KSR2: variants seen among roughly 807,000 people sequenced by gnomAD.
KSR2 encodes the protein kinase suppressor of ras 2.
In KSR2, 25 loss-of-function variants were observed where a neutral mutation model predicts 107.8. The ratio of observed to expected loss-of-function variants is 0.23; its 90% confidence interval spans 0.17 to 0.32. The LOEUF (loss-of-function observed/expected upper bound fraction) is 0.32, where lower values mean the gene tolerates loss of function less well. Among genes scored for constraint, KSR2 ranks in the 10% least tolerant of loss-of-function variants. The probability of loss-of-function intolerance (pLI) is 1.00; values close to 1 mark genes in which losing one functional copy is unlikely to be tolerated. For missense variants in KSR2, 887 were observed against 1,268.9 expected (o/e 0.70, Z 4.57); for synonymous variants, 480 against 507.0 (o/e 0.95, Z 0.71).
intron 5 of KSR2, among the ~76,000 whole-genome samples, chr12:117,598,737 T>C (rs1207240647): frequency 6.6e-6 from 1 of 152,184 alleles, no homozygotes; most frequent in African/African-American, 2.4e-5. Flanking sequence ...CATTTTTTCA[T>C]ATGTATATCT....
chr12:117,604,690 T>C (rs186454017), intron 5 of KSR2, among the ~76,000 whole-genome samples: 1 of 152,270 alleles, frequency 6.6e-6, no homozygotes, highest in East Asian at 1.9e-4. Context: ...AATATGTTAA[T>C]TCAACTATAT....
In KSR2 at chr12:117,697,568, C is replaced by T. The variant is rs527772501; in HGVS notation, c.987-29910G>A. On this transcript the variant is annotated intron_variant, in intron 4 of 19. Transcript: ENST00000339824. ...CCAGCCTGACCAACATGGTGAAACCCTATTCTACTGAAAATACAAGAATTA... is the reference window on the plus strand; with the variant it reads ...CCAGCCTGACCAACATGGTGAAACCTTATTCTACTGAAAATACAAGAATTA... 4.6e-5 allele frequency among the ~76,000 whole-genome samples: 7 copies of T among 152,152 alleles called. No individual in the cohort carries two copies. In the East Asian group the frequency reaches 5.8e-4, roughly 13 times the overall value.
chr12:117,606,774 T>G (rs1240690148), intron 5 of KSR2, among the ~76,000 whole-genome samples: 2 of 147,862 alleles, frequency 1.4e-5, no homozygotes, highest in East Asian at 2.2e-4. Context: ...CCTCCTTCCC[T>G]CCCTTCATCC....
At chr12:117,765,164 T>C (rs1196989617) in intron 3 of KSR2, among the ~76,000 whole-genome samples, 2 of 152,232 alleles carry the variant, frequency 1.3e-5, no homozygotes, top group African/African-American at 2.4e-5. Flanking sequence ...CTCCATCGCA[T>C]GGTAAGCTCT....
chr12:117,828,832 G>A (rs1396785287), intron 3 of KSR2, among the ~76,000 whole-genome samples: 1 of 152,190 alleles, frequency 6.6e-6, no homozygotes, highest in Non-Finnish European at 1.5e-5. Context: ...CCTCCCAACT[G>A]CCATCTGTGT....
rs372961258 is a variant in KSR2 at position 117,463,355 on chromosome 12, G to C, written c.*3844C>G. 6.6e-6 allele frequency: 1 copy of C among 152,010 alleles called. No individual in the cohort carries two copies. Among genetic ancestry groups the C allele is most frequent in the Non-Finnish European group, 1.5e-5 (1 of 68,028 alleles). 9.4% of individuals were successfully genotyped at this position (152,010 alleles called of 1,614,324 possible). ...CCATATCCAACCCTCTCTATCAAAG[G>C]CTCCTGTTCCTCCCCTGACAGCCAT... On this transcript the variant is annotated 3_prime_UTR_variant, in exon 20 of 20. Coordinates refer to ENST00000339824, the MANE Select transcript of KSR2 (RefSeq NM_173598.6).
chr12:117,531,108 AC>A, intron 11 of KSR2, 95 bp from the exon 12 acceptor site: 1 of 1,003,192 alleles, frequency 1.0e-6, no homozygotes, highest in Non-Finnish European at 1.6e-6. Context: ...CCAATTTTTC[AC>A]CAGATCTTGG....
In KSR2 at chr12:117,873,188, T is replaced by C. The variant is rs994770948; in HGVS notation, c.181-12757A>G. Among the ~76,000 whole-genome samples the C allele has an allele frequency of 2.0e-5, 3 of 151,874 alleles. No homozygotes were observed. The South Asian group carries it at 6.2e-4, about 32-fold the overall frequency. On this transcript the variant is annotated intron_variant, in intron 1 of 19. Coordinates refer to ENST00000339824, the MANE Select transcript of KSR2 (RefSeq NM_173598.6). Reference sequence around the variant, plus strand: ...GGTGAAACCCCATCTCTACTAAAAATACAAAAATTAACAGGGCATGGTGGC... The same window carrying C: ...GGTGAAACCCCATCTCTACTAAAAACACAAAAATTAACAGGGCATGGTGGC...
At chr12:117,655,209 T>C (rs11068603) in intron 5 of KSR2, among the ~76,000 whole-genome samples, 14,018 of 152,274 alleles carry the variant, frequency 0.092, 941 homozygotes, top group East Asian at 0.3. Flanking sequence ...AACTACCACC[T>C]GTGGACTCAC....
At chr12:117,929,139 G>A (rs542483472) in intron 1 of KSR2, among the ~76,000 whole-genome samples, 1 of 152,080 alleles carries the variant, frequency 6.6e-6, no homozygotes, top group Non-Finnish European at 1.5e-5. Context: ...AATTACTTCA[G>A]GTTAGAAACA....
chr12:117,493,361 C>T (rs770921389), intron 14 of KSR2, among the ~76,000 whole-genome samples: 1 of 152,162 alleles, frequency 6.6e-6, no homozygotes, highest in Non-Finnish European at 1.5e-5. Flanking sequence ...GATAGAGAGT[C>T]TCCCAGTGCC....
intron 1 of KSR2, among the ~76,000 whole-genome samples, chr12:117,910,454 T>G (rs765655867): frequency 2.0e-5 from 3 of 152,178 alleles, no homozygotes; most frequent in Admixed American, 2.0e-4. Context: ...ATAGTCAATG[T>G]TGGCAAGCGA....
At chr12:117,676,079 G>C (rs933835318) in intron 4 of KSR2, among the ~76,000 whole-genome samples, 5 of 152,298 alleles carry the variant, frequency 3.3e-5, no homozygotes, top group Middle Eastern at 3.4e-3. Context: ...CAATGTTCTG[G>C]GGCAGCAGAG....
At chr12:117,737,998 A>C (rs1888009363) in intron 4 of KSR2, among the ~76,000 whole-genome samples, 2 of 152,132 alleles carry the variant, frequency 1.3e-5, no homozygotes, top group Non-Finnish European at 2.9e-5. Context: ...ACTGCCCTCA[A>C]GAATTGCTCC....
chr12:117,899,949 A>G (rs1894632114), intron 1 of KSR2, among the ~76,000 whole-genome samples: 1 of 152,214 alleles, frequency 6.6e-6, no homozygotes, highest in African/African-American at 2.4e-5. Flanking sequence ...TCAGTCAGAA[A>G]GCTGCAAGGA....
At chr12:117,826,612 G>C (rs1314788775) in intron 3 of KSR2, among the ~76,000 whole-genome samples, 2 of 152,116 alleles carry the variant, frequency 1.3e-5, no homozygotes, top group Non-Finnish European at 2.9e-5. Flanking sequence ...AGAGACACAT[G>C]AAGTGTGAAG....
intron 9 of KSR2, among the ~76,000 whole-genome samples, chr12:117,551,859 T>C (rs537417548): frequency 2.1e-4 from 32 of 152,316 alleles, no homozygotes; most frequent in African/African-American, 7.5e-4. Context: ...ATTCTCCTGC[T>C]GGCAGACAAG....
rs951469001 is a variant in KSR2 at position 117,886,558 on chromosome 12, G to A, written c.181-26127C>T. ...ATAGGCTCTATCGTACAGCCTAGATGTGAAGTAGGCTATGCCATCTAACGC... is the reference window on the plus strand; with the variant it reads ...ATAGGCTCTATCGTACAGCCTAGATATGAAGTAGGCTATGCCATCTAACGC... On this transcript the variant is annotated intron_variant, in intron 1 of 19. Coordinates refer to ENST00000339824, the MANE Select transcript of KSR2 (RefSeq NM_173598.6). Among the ~76,000 whole-genome samples, 5 of 152,258 alleles carry A rather than the reference G, an allele frequency of 3.3e-5. No homozygotes were observed. In the East Asian group the frequency reaches 7.7e-4, roughly 23 times the overall value.
intron 3 of KSR2, among the ~76,000 whole-genome samples, chr12:117,804,480 A>G (rs1890945959): frequency 6.6e-6 from 1 of 152,140 alleles, no homozygotes; most frequent in African/African-American, 2.4e-5. Context: ...CTCCTATACC[A>G]TTTGCCAGCA....
Sources: gnomAD v4.1 joint callset for allele counts (sites outside exome capture counted in the v4.1 genomes callset) on GRCh38, gnomAD v4.1.1 for gene constraint, MANE v1.5 for transcripts, NCBI Gene and HGNC (gene_info 2026-07-23, HGNC 2026-07-21) for gene names.